TGFB2: variants seen among roughly 807,000 people sequenced by gnomAD.
TGFB2 encodes transforming growth factor beta 2.
In TGFB2, 13 loss-of-function variants were observed where a neutral mutation model predicts 42.7. The ratio of observed to expected loss-of-function variants is 0.30; its 90% confidence interval spans 0.20 to 0.48. The LOEUF is 0.48. Ranked by LOEUF, TGFB2 falls within the 20% of genes least tolerant of loss-of-function variation. The pLI is 0.99. For missense variants in TGFB2, 390 were observed against 517.5 expected (o/e 0.75, Z 2.39); for synonymous variants, 193 against 193.6 (o/e 1.00, Z 0.03).
chr1:218,410,096 A>G (rs1026901832), intron 2 of TGFB2, among the ~76,000 whole-genome samples: 1 of 152,234 alleles, frequency 6.6e-6, no homozygotes, highest in Non-Finnish European at 1.5e-5. Flanking sequence ...TTGGTTTCAA[A>G]GAGCTCTCCT....
chr1:218,359,380 G>A (rs1342539615), intron 1 of TGFB2, among the ~76,000 whole-genome samples: 10 of 152,064 alleles, frequency 6.6e-5, no homozygotes, highest in East Asian at 1.9e-4. Flanking sequence ...ATCACTGATC[G>A]GATCTCTAAA....
chr1:218,441,554 C>A lies in TGFB2; in HGVS notation c.*192C>A. ...TCTGTTTGTTAAAACTGGCATCTGA[C>A]ACAAAAAAAGTTGAAGGCCTTATTC... On this transcript the variant is annotated 3_prime_UTR_variant, in exon 7 of 7. Transcript: ENST00000366930. 1 of 488,074 alleles carries A rather than the reference C, an allele frequency of 2.0e-6. No homozygotes were observed. The highest frequency in any genetic ancestry group is 5.8e-5 in the South Asian group (1 of 17,188). The allele number at this position is 488,074 out of a possible 1,614,324, so 30.2% of individuals were successfully genotyped here.
At chr1:218,388,111 G>A (rs930769238) in intron 1 of TGFB2, among the ~76,000 whole-genome samples, 1 of 152,212 alleles carries the variant, frequency 6.6e-6, no homozygotes, top group Non-Finnish European at 1.5e-5. Flanking sequence ...AATTAGAGTA[G>A]AGCTATGGAG....
intron 1 of TGFB2, among the ~76,000 whole-genome samples, chr1:218,391,085 T>G (rs892229963): frequency 6.6e-6 from 1 of 152,194 alleles, no homozygotes; most frequent in African/African-American, 2.4e-5. Context: ...AAACAAAAAT[T>G]CAGACTTTCC....
intron 1 of TGFB2, among the ~76,000 whole-genome samples, chr1:218,402,360 A>G (rs1021389969): frequency 1.3e-5 from 2 of 152,246 alleles, no homozygotes; most frequent in Non-Finnish European, 2.9e-5. Flanking sequence ...GCCCAGCTGA[A>G]CAACTGTACT....
intron 1 of TGFB2, among the ~76,000 whole-genome samples, chr1:218,351,787 T>A (rs1239014038): frequency 6.6e-6 from 1 of 152,134 alleles, no homozygotes; most frequent in Admixed American, 6.5e-5. Flanking sequence ...GAATGATTTC[T>A]CCCTGGTGAA....
chr1:218,381,246 G>GTTT (rs1254161258), intron 1 of TGFB2, among the ~76,000 whole-genome samples: 12 of 131,076 alleles, frequency 9.2e-5, no homozygotes, highest in African/African-American at 2.7e-4. Flanking sequence ...GCACATTTTT[G>GTTT]TTTTTGTTTT....
intron 2 of TGFB2, among the ~76,000 whole-genome samples, chr1:218,415,199 T>C (rs1271825341): frequency 2.0e-5 from 3 of 152,232 alleles, no homozygotes; most frequent in African/African-American, 4.8e-5. Flanking sequence ...TTATTATCAT[T>C]ACAGTTTCCG....
At chr1:218,379,639 T>C (rs1251625578) in intron 1 of TGFB2, among the ~76,000 whole-genome samples, 1 of 152,210 alleles carries the variant, frequency 6.6e-6, no homozygotes, top group African/African-American at 2.4e-5. Context: ...TGAGGTTAAA[T>C]ACCTGGAAGA....
intron 6 of TGFB2, among the ~76,000 whole-genome samples, chr1:218,438,380 TG>T (rs1463385992): frequency 6.6e-6 from 1 of 152,216 alleles, no homozygotes; most frequent in East Asian, 1.9e-4. Context: ...CCTGGGAGTG[TG>T]TGATTATTAG....
chr1:218,379,474 T>A (rs922355895), intron 1 of TGFB2, among the ~76,000 whole-genome samples: 1 of 82,250 alleles, frequency 1.2e-5, no homozygotes, highest in Non-Finnish European at 2.7e-5. Context: ...TCTTTTTCTT[T>A]CTTTCTTTCT....
intron 2 of TGFB2, among the ~76,000 whole-genome samples, chr1:218,407,035 T>C (rs1658937108): frequency 6.6e-6 from 1 of 152,188 alleles, no homozygotes; most frequent in African/African-American, 2.4e-5. Context: ...AATAGAGAAC[T>C]ACCACACAAA....
At chr1:218,371,230 G>C (rs1192309106) in intron 1 of TGFB2, among the ~76,000 whole-genome samples, 1 of 152,186 alleles carries the variant, frequency 6.6e-6, no homozygotes, top group Non-Finnish European at 1.5e-5. Context: ...GATCCCGGGA[G>C]TTGGAAGGTG....
intron 2 of TGFB2, among the ~76,000 whole-genome samples, chr1:218,426,313 G>C (rs1160180121): frequency 1.3e-5 from 2 of 152,158 alleles, no homozygotes; most frequent in African/African-American, 4.8e-5. Flanking sequence ...TTGTTTTACA[G>C]CATTTTTATT....
Position 218,443,777 on chromosome 1 carries a change from A to AG in TGFB2, c.*2421dup, listed in dbSNP as rs920033638. On this transcript the variant is annotated 3_prime_UTR_variant, in exon 7 of 7. Transcript: ENST00000366930. ...TCCCATAAGTAAATATTGCCATGGGAGGGGGGTGGAGGTGGCAAGGAAGGG... is the reference window on the plus strand; with the variant it reads ...TCCCATAAGTAAATATTGCCATGGGAGGGGGGGTGGAGGTGGCAAGGAAGGG... 1 of 145,626 alleles carries AG rather than the reference A, an allele frequency of 6.9e-6. No homozygotes were observed. The highest frequency in any genetic ancestry group is 1.5e-5 in the Non-Finnish European group (1 of 66,750). The allele number at this position is 145,626 out of a possible 1,614,324, so 9.0% of individuals were successfully genotyped here.
At position 218,346,426 on chromosome 1, in the gene TGFB2, A is replaced by T. The variant is rs960715345; in HGVS notation, c.-276A>T. 1.1e-5 allele frequency: 4 copies of T among 357,326 alleles called. No homozygotes were observed. The highest frequency in any genetic ancestry group is 9.8e-5 in the Admixed American group (2 of 20,384). The allele number at this position is 357,326 out of a possible 1,614,324, so 22.1% of individuals were successfully genotyped here. A position where few individuals can be genotyped will look rare whatever the true frequency, so the allele number is the denominator to read the frequency against. Reference sequence around the variant, plus strand: ...TTTTCCCCATCTCATTGCTCCAAGAATTTTTTTCTTCTTACTCGCCAAAGT... The same window carrying T: ...TTTTCCCCATCTCATTGCTCCAAGATTTTTTTTCTTCTTACTCGCCAAAGT... On this transcript the variant is annotated 5_prime_UTR_variant, in exon 1 of 7. Transcript: ENST00000366930. The surrounding 1 kb of genome is among the most constrained non-coding windows in gnomAD (Gnocchi z 4.9).
intron 1 of TGFB2, among the ~76,000 whole-genome samples, chr1:218,381,856 C>T (rs1438335987): frequency 6.6e-6 from 1 of 151,998 alleles, no homozygotes; most frequent in Non-Finnish European, 1.5e-5. Context: ...TGTGCACACG[C>T]GCGTGCCTAT....
At chr1:218,354,993 C>T (rs1656986641) in intron 1 of TGFB2, among the ~76,000 whole-genome samples, 1 of 152,178 alleles carries the variant, frequency 6.6e-6, no homozygotes, top group Non-Finnish European at 1.5e-5. Context: ...ACCTCTGGCT[C>T]CCGGGTCCAA....
At position 218,392,805 on chromosome 1, in the gene TGFB2, C is replaced by A. The variant is rs150961290; in HGVS notation, c.347-12364C>A. On this transcript the variant is annotated intron_variant, in intron 1 of 6. Transcript: ENST00000366930. ...CCATGTATTCCTCTTCGTATTTATT[C>A]ACTCTCAAGCCATTAATTTAATGTG... is the stretch of plus-strand genomic sequence containing the variant. Among the ~76,000 whole-genome samples the A allele has an allele frequency of 3.5e-3, 529 of 152,306 alleles. 4 individuals are homozygous for A. Among genetic ancestry groups the A allele is most frequent in the African/African-American group, 0.012 (501 of 41,562 alleles).
Sources: allele counts gnomAD v4.1 joint callset (sites outside exome capture counted in the v4.1 genomes callset), GRCh38; gene constraint gnomAD v4.1.1; non-coding constraint Gnocchi (gnomAD v3.1); transcripts MANE v1.5; gene names NCBI Gene and HGNC (gene_info 2026-07-23, HGNC 2026-07-21).